PIBF1: variants seen among roughly 807,000 people sequenced by gnomAD.
PIBF1 encodes progesterone immunomodulatory binding factor 1, also known as progesterone-induced-blocking factor 1.
In PIBF1, 90 loss-of-function variants were observed where a neutral mutation model predicts 112.5. The observed-to-expected ratio is 0.80, with a 90% CI of 0.67 to 0.95. PIBF1 has a LOEUF of 0.95. PIBF1 is among the 40% of genes least tolerant of loss of function. The probability of loss-of-function intolerance (pLI) is 0.00; values close to 1 mark genes in which losing one functional copy is unlikely to be tolerated. For synonymous variants in PIBF1, 301 were observed against 288.6 expected (o/e 1.04, Z -0.44); for missense variants, 915 against 852.3 (o/e 1.07, Z -0.92).
At chr13:72,840,782 T>A (rs1229841523) in intron 9 of PIBF1, among the ~76,000 whole-genome samples, 1 of 152,156 alleles carries the variant, frequency 6.6e-6, no homozygotes, top group African/African-American at 2.4e-5. Context: ...TGCCTCGGCC[T>A]CCCAAAGTGC....
Position 72,854,065 on chromosome 13 carries a change from G to A in PIBF1, c.1232G>A (p.Arg411Gln), listed in dbSNP as rs145367867. 4.1e-5 allele frequency: 66 copies of A among 1,609,038 alleles called. No homozygotes were observed. The highest frequency in any genetic ancestry group is 3.6e-4 in the East Asian group (16 of 44,842). ...EMYERENRNL[R>Q]EARDNAVAEK... The stretch of plus-strand genomic sequence containing the variant: ...CCATGTTTAAAATTTAGAAATCTCC[G>A]AGAAGCAAGGGATAATGCTGTGGCT... Residue 411 changes from arginine to glutamine, a missense_variant, in exon 10 of 18, where the codon CGA becomes CAA. Transcript: ENST00000326291.
chr13:72,990,963 C>G (rs924099799), intron 16 of PIBF1, among the ~76,000 whole-genome samples: 2 of 152,242 alleles, frequency 1.3e-5, no homozygotes, highest in African/African-American at 2.4e-5. Flanking sequence ...ATATGACTTA[C>G]TAGTCACGAT....
chr13:72,994,003 T>C (rs1394609679), intron 16 of PIBF1, among the ~76,000 whole-genome samples: 1 of 151,724 alleles, frequency 6.6e-6, no homozygotes, highest in Non-Finnish European at 1.5e-5. Flanking sequence ...TGCCAGCGGC[T>C]CAGGAGGCTA....
chr13:72,965,187 C>A, intron 14 of PIBF1, 87 bp from the exon 15 acceptor site: 1 of 1,176,542 alleles, frequency 8.5e-7, no homozygotes, highest in Non-Finnish European at 1.2e-6. Context: ...AAAGGAATTT[C>A]TGTACTATAT....
intron 11 of PIBF1, among the ~76,000 whole-genome samples, chr13:72,898,156 G>A (rs910484754): frequency 6.6e-6 from 1 of 152,060 alleles, no homozygotes; most frequent in Non-Finnish European, 1.5e-5. Flanking sequence ...AACTCCAAAA[G>A]GAACCTTCAG....
rs1047714418 is a variant in PIBF1 at position 72,821,872 on chromosome 13, C to G, written c.696C>G (p.Asn232Lys). The G allele has an allele frequency of 6.2e-7, 1 of 1,611,964 alleles. No individual in the cohort carries two copies. Among genetic ancestry groups the G allele is most frequent in the South Asian group, 1.1e-5 (1 of 90,842 alleles). ...AGACATATGAGGAAGATCGAAAAAA[C>G]TACTCTGAAGTTCAAATTAGATGTC... is the stretch of plus-strand genomic sequence containing the variant. ...LTETYEEDRK[N>K]YSEVQIRCQR... Residue 232 changes from asparagine to lysine, a missense_variant, in exon 6 of 18, where the codon AAC (asparagine) becomes AAG (lysine). By Grantham distance (94) the Asn-to-Lys change is moderately conservative (BLOSUM62 0). Transcript: ENST00000326291.
At chr13:72,931,048 G>T in intron 13 of PIBF1, 117 bp from the exon 14 acceptor site, 1 of 643,012 alleles carries the variant, frequency 1.6e-6, no homozygotes, top group Non-Finnish European at 2.7e-6. Context: ...TATTTTTTCT[G>T]TTAATATTTA....
chr13:72,943,581 C>G (rs1490512120), intron 14 of PIBF1, among the ~76,000 whole-genome samples: 3 of 152,172 alleles, frequency 2.0e-5, no homozygotes, highest in Admixed American at 6.5e-5. Flanking sequence ...AAGACAATGT[C>G]CAGATTCTTT....
intron 14 of PIBF1, among the ~76,000 whole-genome samples, chr13:72,960,891 CCAAAG>C (rs1180218652): frequency 2.6e-5 from 4 of 151,800 alleles, no homozygotes; most frequent in Non-Finnish European, 4.4e-5. Flanking sequence ...AGAATAATTA[CCAAAG>C]CAAAGAAAAA....
intron 5 of PIBF1, among the ~76,000 whole-genome samples, chr13:72,818,678 C>CTTTTTTTTTTTTTTTTTT (rs3077726): frequency 2.5e-5 from 2 of 80,372 alleles, no homozygotes; most frequent in Non-Finnish European, 2.2e-5. Context: ...CAGTCTTAAA[C>CTTTTTTTTTTTTTTTTTT]TTTTTTTTTT....
rs138351822 is a variant in PIBF1 at position 73,012,897 on chromosome 13, G to C, written c.2224-2972G>C. Among the ~76,000 whole-genome samples, 1,107 of 151,442 alleles carry C rather than the reference G, an allele frequency of 7.3e-3. 8 individuals carry two copies. The highest frequency in any genetic ancestry group is 0.014 in the Middle Eastern group (4 of 292). On this transcript the variant is annotated intron_variant, in intron 17 of 17. Transcript: ENST00000326291. ...ATTAGAAAGAGAAGTAAGAAAGGAA[G>C]AGAAGAAATATTTGAAACAATAATG...
chr13:72,819,355 G>A (rs1448705769), intron 5 of PIBF1, among the ~76,000 whole-genome samples: 3 of 151,836 alleles, frequency 2.0e-5, no homozygotes, highest in African/African-American at 7.2e-5. Context: ...CTTTTCAGGA[G>A]TATGCTTCAT....
chr13:72,890,808 C>T (rs1442852231), intron 10 of PIBF1, among the ~76,000 whole-genome samples: 1 of 152,120 alleles, frequency 6.6e-6, no homozygotes, highest in Non-Finnish European at 1.5e-5. Context: ...TCCTGGGCAT[C>T]ATCAGTTCCT....
chr13:72,860,347 G>A (rs1355410415), intron 10 of PIBF1, among the ~76,000 whole-genome samples: 2 of 147,574 alleles, frequency 1.4e-5, no homozygotes, highest in African/African-American at 5.1e-5. Context: ...GTGTGTGTGT[G>A]TGTGTGACAG....
intron 14 of PIBF1, among the ~76,000 whole-genome samples, chr13:72,943,502 A>G (rs1344508668): frequency 6.6e-6 from 1 of 152,232 alleles, no homozygotes; most frequent in Admixed American, 6.5e-5. Context: ...TAATTTTTTA[A>G]AAGTTCCCTA....
At chr13:72,901,959 A>C (rs2040504053) in intron 11 of PIBF1, among the ~76,000 whole-genome samples, 1 of 147,406 alleles carries the variant, frequency 6.8e-6, no homozygotes, top group African/African-American at 2.5e-5. Context: ...GAACCAACCC[A>C]AATGCCTATC....
intron 5 of PIBF1, among the ~76,000 whole-genome samples, chr13:72,810,911 C>T (rs993064971): frequency 2.7e-5 from 4 of 150,116 alleles, no homozygotes; most frequent in African/African-American, 9.9e-5. Context: ...GGCTGGAGTG[C>T]CTTGGCACAA....
At chr13:73,000,185 T>G (rs2043810813) in intron 17 of PIBF1, among the ~76,000 whole-genome samples, 1 of 152,236 alleles carries the variant, frequency 6.6e-6, no homozygotes, top group Non-Finnish European at 1.5e-5. Context: ...CATCTTTTCC[T>G]CTGTAGTACA....
intron 12 of PIBF1, among the ~76,000 whole-genome samples, chr13:72,911,122 G>T (rs1004850085): frequency 1.3e-5 from 2 of 152,046 alleles, no homozygotes; most frequent in Non-Finnish European, 2.9e-5. Context: ...AGCCTGTAGG[G>T]TGCGATGATC....
Sources: allele counts gnomAD v4.1 joint callset (sites outside exome capture counted in the v4.1 genomes callset), GRCh38; gene constraint gnomAD v4.1.1; transcripts MANE v1.5; gene names NCBI Gene and HGNC (gene_info 2026-07-23, HGNC 2026-07-21).